The following NRXN3 variants were observed in gnomAD, a reference collection of about 807,000 sequenced individuals.
NRXN3 encodes neurexin III.
NRXN3 carries 32 observed loss-of-function variants against 137.6 expected under a neutral mutation model. The ratio of observed to expected loss-of-function variants is 0.23; its 90% CI spans 0.18 to 0.31. The LOEUF (loss-of-function observed/expected upper bound fraction) is 0.31, where lower values mean the gene tolerates loss of function less well. NRXN3 is among the 10% of genes least tolerant of loss of function. The pLI is 1.00. For synonymous variants in NRXN3, 798 were observed against 784.5 expected, an observed-to-expected ratio of 1.02 and a Z score of -0.29; for missense variants, 1,574 against 2,062.5, an observed-to-expected ratio of 0.76 and a Z score of 4.59.
intron 8 of NRXN3, among the ~76,000 whole-genome samples, chr14:78,798,995 T>C (rs1354363235): frequency 6.6e-6 from 1 of 152,210 alleles, no homozygotes; most frequent in Non-Finnish European, 1.5e-5. Flanking sequence ...CTGGGGCACC[T>C]GCAGTTGGAG....
At chr14:78,262,390 G>A (rs2070890879) in intron 2 of NRXN3, among the ~76,000 whole-genome samples, 1 of 152,158 alleles carries the variant, frequency 6.6e-6, no homozygotes, top group African/African-American at 2.4e-5. Flanking sequence ...CCAGAATGCA[G>A]AATCTTGGAG....
At position 78,952,544 on chromosome 14, in the gene NRXN3, A is replaced by G. The variant is rs2099389109; in HGVS notation, c.2276-4698A>G. ...ATGCTTGTCACAGCTCAGCTAGCCT[A>G]GCCAAAGGGGCTGGTGGAAGCAAAG... is the stretch of plus-strand genomic sequence containing the variant. On this transcript the variant is annotated intron_variant, in intron 10 of 20. Transcript: ENST00000335750. 1.3e-5 allele frequency among the ~76,000 whole-genome samples: 2 copies of G among 152,174 alleles called. 1 individual carries two copies. The highest frequency in any genetic ancestry group is 4.1e-4 in the South Asian group (2 of 4,822).
intron 10 of NRXN3, among the ~76,000 whole-genome samples, chr14:78,924,711 C>G (rs1444210789): frequency 6.6e-6 from 1 of 152,074 alleles, no homozygotes; most frequent in Non-Finnish European, 1.5e-5. Context: ...CCTGTAAAGT[C>G]TAAAGATTTG....
intron 8 of NRXN3, among the ~76,000 whole-genome samples, chr14:78,751,074 T>C (rs117182096): frequency 0.011 from 1,600 of 152,330 alleles, 8 homozygotes; most frequent in Middle Eastern, 0.027. Flanking sequence ...TGAAGCCTCT[T>C]AGATAAAAGA....
intron 14 of NRXN3, among the ~76,000 whole-genome samples, chr14:78,984,123 A>C (rs192537967): frequency 6.6e-6 from 1 of 152,274 alleles, no homozygotes; most frequent in Non-Finnish European, 1.5e-5. Flanking sequence ...TCAATTAGAC[A>C]AGAGGAATAG....
At chr14:78,817,082 T>C (rs1042024351) in intron 10 of NRXN3, among the ~76,000 whole-genome samples, 1 of 152,188 alleles carries the variant, frequency 6.6e-6, no homozygotes, top group Admixed American at 6.5e-5. Context: ...TTTGTGTAAT[T>C]TATCTCCTAC....
intron 4 of NRXN3, among the ~76,000 whole-genome samples, chr14:78,619,212 A>G (rs2097374743): frequency 1.3e-5 from 2 of 152,216 alleles, no homozygotes; most frequent in Non-Finnish European, 2.9e-5. Flanking sequence ...GGAAAGATTG[A>G]GGAGCCTGTT....
intron 10 of NRXN3, among the ~76,000 whole-genome samples, chr14:78,898,621 G>A (rs954725289): frequency 2.1e-5 from 3 of 144,370 alleles, no homozygotes; most frequent in South Asian, 4.6e-4. Flanking sequence ...TCAAGCTGTC[G>A]GTTATATTCC....
At chr14:78,341,791 T>C (rs559125170) in intron 4 of NRXN3, among the ~76,000 whole-genome samples, 1 of 152,200 alleles carries the variant, frequency 6.6e-6, no homozygotes, top group Non-Finnish European at 1.5e-5. Flanking sequence ...TGGTTCTCTA[T>C]TGAAATGCAA....
At chr14:78,997,958 A>T (rs1033919495) in intron 15 of NRXN3, among the ~76,000 whole-genome samples, 5 of 152,118 alleles carry the variant, frequency 3.3e-5, no homozygotes, top group African/African-American at 1.2e-4. Flanking sequence ...GCCAGCTGAG[A>T]GTCTCTTCTG....
At chr14:78,860,078 G>A (rs1306835145) in intron 10 of NRXN3, among the ~76,000 whole-genome samples, 1 of 152,076 alleles carries the variant, frequency 6.6e-6, no homozygotes, top group African/African-American at 2.4e-5. Context: ...GGTGTAATAT[G>A]CTATTATTAG....
intron 19 of NRXN3, among the ~76,000 whole-genome samples, chr14:79,731,585 A>C (rs776652307): frequency 4.6e-5 from 7 of 152,092 alleles, no homozygotes; most frequent in Non-Finnish European, 1.0e-4. Flanking sequence ...GAACTCATTA[A>C]ATATTTCTAA....
At chr14:79,022,474 A>C (rs951538811) in intron 15 of NRXN3, among the ~76,000 whole-genome samples, 4 of 152,212 alleles carry the variant, frequency 2.6e-5, no homozygotes, top group Admixed American at 6.5e-5. Flanking sequence ...GAAATGGTCC[A>C]CTGACAGGTC....
chr14:78,649,169 A>G (rs2097714951), intron 5 of NRXN3: 9 of 760,168 alleles, frequency 1.2e-5, no homozygotes, highest in Non-Finnish European at 1.6e-5. Flanking sequence ...CGACTAATGT[A>G]CTAACACCCT....
intron 16 of NRXN3, among the ~76,000 whole-genome samples, chr14:79,662,541 T>C (rs2153985748): frequency 1.3e-5 from 2 of 152,250 alleles, no homozygotes; most frequent in Middle Eastern, 3.4e-3. Flanking sequence ...CATCACCATT[T>C]GCATCATTAT....
intron 15 of NRXN3, among the ~76,000 whole-genome samples, chr14:79,086,477 T>C (rs1222009903): frequency 1.3e-5 from 2 of 152,176 alleles, no homozygotes; most frequent in East Asian, 1.9e-4. Context: ...GGGGATAGCA[T>C]AGAGTAATAT....
chr14:79,369,597 C>T (rs548190663), intron 15 of NRXN3, among the ~76,000 whole-genome samples: 36 of 152,278 alleles, frequency 2.4e-4, no homozygotes, highest in Non-Finnish European at 3.4e-4. Flanking sequence ...CATCCTGTAG[C>T]GGTGTGGGCC....
At chr14:78,910,530 C>G (rs368534090) in intron 10 of NRXN3, among the ~76,000 whole-genome samples, 1 of 152,022 alleles carries the variant, frequency 6.6e-6, no homozygotes, top group Admixed American at 6.6e-5. Context: ...AGCATTTTCC[C>G]CCAAGATAGT....
intron 15 of NRXN3, among the ~76,000 whole-genome samples, chr14:79,059,479 G>A (rs1054421608): frequency 5.3e-5 from 8 of 151,728 alleles, no homozygotes; most frequent in Non-Finnish European, 7.4e-5. Flanking sequence ...GGATGGTCTC[G>A]ATCTCCTGAC....
Sources: gnomAD v4.1 joint callset for allele counts (sites outside exome capture counted in the v4.1 genomes callset) on GRCh38, gnomAD v4.1.1 for gene constraint, MANE v1.5 for transcripts, NCBI Gene and HGNC (gene_info 2026-07-23, HGNC 2026-07-21) for gene names.